Variants in KHDRBS2 observed in about 807,000 individuals in gnomAD.
The protein encoded by KHDRBS2 is KH domain-containing, RNA-binding, signal transduction-associated protein 2.
A neutral mutation model predicts 44.3 loss-of-function variants in KHDRBS2; 26 were observed. The ratio of observed to expected loss-of-function variants is 0.59; its 90% CI spans 0.43 to 0.81. KHDRBS2 has a LOEUF of 0.81. KHDRBS2 is among the 40% of genes least tolerant of loss of function. KHDRBS2 has a pLI of 0.00. For synonymous variants in KHDRBS2, 194 were observed against 151.1 expected, an observed-to-expected ratio of 1.28 and a Z score of -2.08; for missense variants, 476 against 433.1, an observed-to-expected ratio of 1.10 and a Z score of -0.88.
intron 8 of KHDRBS2, among the ~76,000 whole-genome samples, chr6:61,695,853 A>G (rs1301921232): frequency 6.6e-6 from 1 of 152,092 alleles, no homozygotes; most frequent in East Asian, 1.9e-4. Context: ...TCTCAGCATC[A>G]GGACGTGCCC....
chr6:61,983,240 T>TTTCTTTCTTTCTTTC (rs1774324674), intron 3 of KHDRBS2, among the ~76,000 whole-genome samples: 1 of 33,252 alleles, frequency 3.0e-5, no homozygotes, highest in African/African-American at 7.4e-5. Flanking sequence ...TTCTTTCTTT[T>TTTCTTTCTTTCTTTC]TTTTTTTTTT....
At chr6:62,047,387 T>C (rs771115959) in intron 3 of KHDRBS2, among the ~76,000 whole-genome samples, 2 of 151,942 alleles carry the variant, frequency 1.3e-5, no homozygotes, top group African/African-American at 4.8e-5. Flanking sequence ...TTTAATATCA[T>C]TGAAGCATTT....
At chr6:61,927,798 G>A (rs1002456814) in intron 4 of KHDRBS2, among the ~76,000 whole-genome samples, 1 of 152,000 alleles carries the variant, frequency 6.6e-6, no homozygotes, top group African/African-American at 2.4e-5. Context: ...ATAGAAAATG[G>A]GAAAACACAA....
chr6:62,005,165 T>A (rs1584101221), intron 3 of KHDRBS2, among the ~76,000 whole-genome samples: 1 of 152,100 alleles, frequency 6.6e-6, no homozygotes, highest in Admixed American at 6.6e-5. Context: ...AGTTGAGTTA[T>A]GTCTGCCACA....
chr6:61,797,984 C>A lies in KHDRBS2; in HGVS notation c.811-65220G>T, dbSNP rs140687078. 1.2e-4 allele frequency among the ~76,000 whole-genome samples: 18 copies of A among 151,784 alleles called. No individual in the cohort carries two copies. The East Asian group carries it at 3.1e-3, about 26-fold the overall frequency. ...TGTCACCCAGGTAATGAGCATAGTA[C>A]CCAATAGGTAGTTTTTCAACCCTCA... On this transcript the variant is annotated intron_variant, in intron 6 of 8. Transcript: ENST00000281156.
At chr6:61,636,787 A>ACTT in the KHDRBS2 span, among the ~76,000 whole-genome samples, 494 of 152,192 alleles carry the variant, frequency 3.2e-3, 4 homozygotes, top group African/African-American at 0.011. Flanking sequence ...CTATAATTTT[A>ACTT]CTTCTATATG....
At chr6:62,237,112 T>C (rs1833827022) in intron 1 of KHDRBS2, among the ~76,000 whole-genome samples, 1 of 152,186 alleles carries the variant, frequency 6.6e-6, no homozygotes, top group Non-Finnish European at 1.5e-5. Flanking sequence ...AGATTGCCAT[T>C]GCGTCACACG....
chr6:61,921,996 T>C (rs1053467392), intron 4 of KHDRBS2, among the ~76,000 whole-genome samples: 1 of 151,986 alleles, frequency 6.6e-6, no homozygotes, highest in African/African-American at 2.4e-5. Context: ...ATCATTTTTT[T>C]CTTTGACATC....
At chr6:62,038,589 A>G (rs924279732) in intron 3 of KHDRBS2, among the ~76,000 whole-genome samples, 8 of 152,084 alleles carry the variant, frequency 5.3e-5, no homozygotes, top group Admixed American at 2.6e-4. Context: ...GCAACTAATG[A>G]AATTCAGAAT....
the KHDRBS2 span, among the ~76,000 whole-genome samples, chr6:61,583,718 T>G: frequency 6.6e-6 from 1 of 151,630 alleles, no homozygotes; most frequent in Admixed American, 6.6e-5. Context: ...TAAAATAAAT[T>G]TTTAAATTAG....
At chr6:61,653,449 G>A in the KHDRBS2 span, among the ~76,000 whole-genome samples, 2 of 151,992 alleles carry the variant, frequency 1.3e-5, no homozygotes, top group Admixed American at 6.6e-5. Flanking sequence ...ACTAAAATTT[G>A]TCCAGCATGA....
chr6:62,233,737 G>C lies in KHDRBS2; in HGVS notation c.91+52121C>G, dbSNP rs533466544. Among the ~76,000 whole-genome samples the C allele has an allele frequency of 9.9e-5, 15 of 152,204 alleles. No homozygotes were observed. In the South Asian group the frequency reaches 3.1e-3, roughly 32 times the overall value. On this transcript the variant is annotated intron_variant, in intron 1 of 8. Transcript: ENST00000281156. Reference sequence around the variant, plus strand: ...ACCCACTTCTAAGTGAGAACATGTGGTATTTGGTTTTCTGTTCCTGGGTTA... The same window carrying C: ...ACCCACTTCTAAGTGAGAACATGTGCTATTTGGTTTTCTGTTCCTGGGTTA...
the KHDRBS2 span, among the ~76,000 whole-genome samples, chr6:61,612,627 A>G: frequency 6.6e-6 from 1 of 152,342 alleles, no homozygotes; most frequent in African/African-American, 2.4e-5. Flanking sequence ...TTATTGAGCA[A>G]CTATTTTGTC....
intron 2 of KHDRBS2, among the ~76,000 whole-genome samples, chr6:62,131,912 T>A (rs1810423101): frequency 6.6e-6 from 1 of 152,190 alleles, no homozygotes; most frequent in Non-Finnish European, 1.5e-5. Flanking sequence ...TGTGAAAGGT[T>A]CTAACAATAT....
chr6:61,780,441 A>G (rs1438539999), intron 6 of KHDRBS2, among the ~76,000 whole-genome samples: 1 of 152,216 alleles, frequency 6.6e-6, no homozygotes, highest in Non-Finnish European at 1.5e-5. Flanking sequence ...CAGAGGTTGC[A>G]AATCACACCA....
chr6:61,820,806 A>G (rs1789778549), intron 6 of KHDRBS2, among the ~76,000 whole-genome samples: 1 of 152,044 alleles, frequency 6.6e-6, no homozygotes, highest in African/African-American at 2.4e-5. Flanking sequence ...TAGTCAAACT[A>G]TTTATTAGGT....
intron 2 of KHDRBS2, among the ~76,000 whole-genome samples, chr6:62,064,631 C>T (rs1479877111): frequency 6.6e-6 from 1 of 150,860 alleles, no homozygotes; most frequent in Non-Finnish European, 1.5e-5. Flanking sequence ...AAAATCAATT[C>T]AAGATGGATT....
In KHDRBS2 at chr6:61,680,848, C is replaced by A; in HGVS notation, c.*115G>T. On this transcript the variant is annotated 3_prime_UTR_variant, in exon 9 of 9. Transcript: ENST00000281156. ...ATGGGAGTAATCATGAGCAGTTATC[C>A]CTAGAATAGAAACAAACAAACAAAA... The A allele has an allele frequency of 1.6e-6, 1 of 635,668 alleles. No homozygotes were observed. The highest frequency in any genetic ancestry group is 2.8e-6 in the Non-Finnish European group (1 of 355,792). The allele number at this position is 635,668 out of a possible 1,614,324, so 39.4% of individuals were successfully genotyped here.
the KHDRBS2 span, among the ~76,000 whole-genome samples, chr6:61,544,859 T>C: frequency 6.6e-6 from 1 of 151,958 alleles, no homozygotes; most frequent in Non-Finnish European, 1.5e-5. Flanking sequence ...ATGTTCTCAC[T>C]CACAGATGGG....
Sources: gnomAD v4.1 joint callset for allele counts (sites outside exome capture counted in the v4.1 genomes callset) on GRCh38, gnomAD v4.1.1 for gene constraint, MANE v1.5 for transcripts, NCBI Gene and HGNC (gene_info 2026-07-23, HGNC 2026-07-21) for gene names.